PGAP2: variants seen among roughly 807,000 people sequenced by gnomAD.
The protein encoded by PGAP2 is acyltransferase PGAP2.
In PGAP2, 21 loss-of-function variants were observed where a neutral mutation model predicts 33.2. The observed-to-expected ratio is 0.63, with a 90% CI of 0.45 to 0.91. The LOEUF (loss-of-function observed/expected upper bound fraction) is 0.91. Ranked by LOEUF, PGAP2 falls within the 40% of genes least tolerant of loss-of-function variation. PGAP2 has a pLI of 0.00. For missense variants in PGAP2, 345 were observed against 424.0 expected (o/e 0.81, Z 1.64); for synonymous variants, 161 against 172.9 (o/e 0.93, Z 0.54).
intron 1 of PGAP2, among the ~76,000 whole-genome samples, chr11:3,803,282 C>G (rs1450408181): frequency 7.3e-6 from 1 of 136,866 alleles, no homozygotes; most frequent in African/African-American, 2.6e-5. Flanking sequence ...CGTGAGCCAC[C>G]ACACCCGGCC....
At chr11:3,797,897 T>C (rs2082775435) in exon 1 of PGAP2, 2 of 1,548,760 alleles carry the variant, frequency 1.3e-6, no homozygotes, top group African/African-American at 1.4e-5. Flanking sequence ...TGACGCAACA[T>C]AGAGACTCCG....
upstream of PGAP2, among the ~76,000 whole-genome samples, chr11:3,803,815 C>G (rs1252991969): frequency 1.4e-5 from 2 of 142,058 alleles, no homozygotes; most frequent in African/African-American, 5.2e-5. Context: ...TTTTGAGACA[C>G]AGTCTCATTG....
intron 5 of PGAP2, 188 bp from the exon 6 acceptor site, chr11:3,824,832 C>T: frequency 1.4e-6 from 2 of 1,438,110 alleles, no homozygotes; most frequent in South Asian, 1.5e-5. Context: ...CTCGGCCCAT[C>T]ACTCCCCCAG....
intron 3 of PGAP2, among the ~76,000 whole-genome samples, chr11:3,821,199 C>T (rs948327541): frequency 6.6e-6 from 1 of 152,092 alleles, no homozygotes; most frequent in Non-Finnish European, 1.5e-5. Context: ...GCTAGTCTTG[C>T]CCCAGGCCTA....
Position 3,818,326 on chromosome 11 carries a change from C to CA in PGAP2, c.348+808dup, listed in dbSNP as rs5789309. On this transcript the variant is annotated intron_variant, in intron 3 of 6. Transcript: ENST00000278243. Reference sequence around the variant, plus strand: ...AGGTTGCAGTGAGCCAAGATCGTGCCAAAAAAAAAAAAAAAAACAATAACA... The same window carrying CA: ...AGGTTGCAGTGAGCCAAGATCGTGCCAAAAAAAAAAAAAAAAAACAATAACA... Among the ~76,000 whole-genome samples the CA allele has an allele frequency of 2.0e-3, 192 of 97,602 alleles. 1 individual carries two copies. The highest frequency in any genetic ancestry group is 2.0e-3 in the South Asian group (6 of 3,012). The allele number at this position is 97,602 out of a possible 152,430, so 64.0% of individuals were successfully genotyped here.
chr11:3,811,512 T>C lies in PGAP2; in HGVS notation c.165+88T>C, dbSNP rs2085563966. On this transcript the variant is annotated intron_variant, in intron 2 of 6. Coordinates refer to ENST00000278243, the MANE Select transcript of PGAP2 (RefSeq NM_014489.4). This position sits in a 1 kb window ranked among gnomAD's most constrained non-coding sequence, Gnocchi z 4.6. The stretch of plus-strand genomic sequence containing the variant: ...ATATCTTTTAACAAGATTAGCCAGC[T>C]CTCCACTGGGGCCCATCAAACATAC... The C allele has an allele frequency of 1.6e-6, 2 of 1,280,254 alleles. No individual in the cohort carries two copies. The highest frequency in any genetic ancestry group is 1.1e-6 in the Non-Finnish European group (1 of 930,674). 79.3% of individuals were successfully genotyped at this position (1,280,254 alleles called of 1,614,324 possible). A position where few individuals can be genotyped will look rare whatever the true frequency, so the allele number is the denominator to read the frequency against.
chr11:3,824,895 C>A, intron 5 of PGAP2, 125 bp from the exon 6 acceptor site: 1 of 1,501,818 alleles, frequency 6.7e-7, no homozygotes. Flanking sequence ...GCCTGTGCTC[C>A]CTTCCATGAC....
chr11:3,822,836 C>A, intron 3 of PGAP2: 4 of 806,664 alleles, frequency 5.0e-6, no homozygotes, highest in East Asian at 2.8e-5. Flanking sequence ...AGTCATCCCC[C>A]ATCCTTTCAC....
At chr11:3,805,995 TTTAAA>T (rs535818702), upstream of PGAP2, among the ~76,000 whole-genome samples, 669 of 152,184 alleles carry the variant, frequency 4.4e-3, 4 homozygotes, top group Non-Finnish European at 7.5e-3. Context: ...GAGACCTTGT[TTTAAA>T]TAAATAAATA....
At chr11:3,816,815 C>G (rs2087135622) in intron 2 of PGAP2, among the ~76,000 whole-genome samples, 1 of 152,158 alleles carries the variant, frequency 6.6e-6, no homozygotes, top group Non-Finnish European at 1.5e-5. Flanking sequence ...TGTGGTCAGA[C>G]AGGGTCAGTG....
At position 3,817,535 on chromosome 11, in the gene PGAP2, G is replaced by T; in HGVS notation, c.348G>T (p.Gly116=). The change falls in exon 3 of 7, where the codon GGG becomes GGT. Residue 116 remains glycine (G), a splice_region_variant and synonymous_variant. Transcript: ENST00000278243. ...AGTACACGGTGGCCACTGACTGTGG[G>T]GTGAGTGCCAGCTCCCCAGCCCCTG... ...HFEYTVATDC[G]VPNYLPSVSS... 1 of 1,613,800 alleles carries T rather than the reference G, an allele frequency of 6.2e-7. No homozygotes were observed. The highest frequency in any genetic ancestry group is 8.5e-7 in the Non-Finnish European group (1 of 1,179,698).
intron 3 of PGAP2, among the ~76,000 whole-genome samples, chr11:3,821,156 T>C (rs1198961245): frequency 6.6e-6 from 1 of 152,240 alleles, no homozygotes; most frequent in Non-Finnish European, 1.5e-5. Flanking sequence ...AGGGAATCCA[T>C]CTCCTTTTTT....
chr11:3,809,354 C>G (rs1321119428), intron 1 of PGAP2, among the ~76,000 whole-genome samples: 1 of 152,186 alleles, frequency 6.6e-6, no homozygotes, highest in Non-Finnish European at 1.5e-5. Flanking sequence ...TAATCTAAAC[C>G]ATGTGATTCC....
upstream of PGAP2, among the ~76,000 whole-genome samples, chr11:3,803,706 G>A (rs909218177): frequency 4.6e-5 from 7 of 152,128 alleles, no homozygotes; most frequent in Non-Finnish European, 1.0e-4. Flanking sequence ...GGGATTATGG[G>A]CCTGAGCCAC....
chr11:3,808,173 T>A (rs574528266), upstream of PGAP2: 3 of 1,482,536 alleles, frequency 2.0e-6, no homozygotes, highest in Admixed American at 4.0e-5. Context: ...GGAAACTGGC[T>A]TAATGTTTCA....
chr11:3,824,103 T>C lies in PGAP2; in HGVS notation c.569T>C (p.Val190Ala). ...LNVVENLALLVLTYVSSSEDF... is the reference protein window; with the variant it reads ...LNVVENLALLALTYVSSSEDF... Reference sequence around the variant, plus strand: ...GTCGTGGAGAACCTCGCGTTGCTAGTGCTCACTTATGTCTCCTCCTCCGAG... The same window carrying C: ...GTCGTGGAGAACCTCGCGTTGCTAGCGCTCACTTATGTCTCCTCCTCCGAG... Residue 190 changes from valine (V) to alanine (A), a missense_variant, in exon 4 of 7, where the codon GTG becomes GCG. Transcript: ENST00000278243. The C allele has an allele frequency of 6.8e-6, 11 of 1,614,176 alleles. No homozygotes were observed. Among genetic ancestry groups the C allele is most frequent in the Non-Finnish European group, 9.3e-6 (11 of 1,180,028 alleles).
exon 1 of PGAP2, chr11:3,797,873 G>C: frequency 6.5e-7 from 1 of 1,550,318 alleles, no homozygotes; most frequent in Non-Finnish European, 8.7e-7. Flanking sequence ...CCGGCGGGGT[G>C]TCGGGAAGGG....
chr11:3,822,729 G>C (rs962331019), intron 3 of PGAP2, among the ~76,000 whole-genome samples: 1 of 152,186 alleles, frequency 6.6e-6, no homozygotes, highest in African/African-American at 2.4e-5. Flanking sequence ...TGAGTTGTAT[G>C]GGTAATTAAA....
At chr11:3,804,076 C>G (rs1590132287), upstream of PGAP2, among the ~76,000 whole-genome samples, 1 of 152,188 alleles carries the variant, frequency 6.6e-6, no homozygotes. Context: ...CAGGCATGAG[C>G]CACCATGCCC....
Sources: gnomAD v4.1 joint callset for allele counts (sites outside exome capture counted in the v4.1 genomes callset) on GRCh38, gnomAD v4.1.1 for gene constraint, Gnocchi (gnomAD v3.1) non-coding constraint, MANE v1.5 for transcripts, NCBI Gene and HGNC (gene_info 2026-07-23, HGNC 2026-07-21) for gene names.